Variants in ZBBX observed in about 807,000 individuals in gnomAD.
ZBBX encodes the protein zinc finger B-box domain-containing protein 1.
Under a neutral mutation model 108.5 loss-of-function variants are expected in ZBBX, and 101 were observed. The ratio of observed to expected loss-of-function variants is 0.93; its 90% confidence interval spans 0.79 to 1.10. The LOEUF (loss-of-function observed/expected upper bound fraction) is 1.10, where lower values mean the gene tolerates loss of function less well. Ranked by LOEUF, ZBBX falls within the 50% of genes least tolerant of loss-of-function variation. The probability of loss-of-function intolerance (pLI) is 0.00; values close to 1 mark genes in which losing one functional copy is unlikely to be tolerated. For missense variants in ZBBX, 1,009 were observed against 941.4 expected, an observed-to-expected ratio of 1.07 and a Z score of -0.94; for synonymous variants, 356 against 323.4, an observed-to-expected ratio of 1.10 and a Z score of -1.08.
At chr3:167,247,011 G>A (rs1357110130) in intron 20 of ZBBX, among the ~76,000 whole-genome samples, 1 of 152,184 alleles carries the variant, frequency 6.6e-6, no homozygotes, top group Non-Finnish European at 1.5e-5. Flanking sequence ...CGGCAGGGAA[G>A]TGCTGGATAG....
chr3:167,317,096 G>A lies in ZBBX; in HGVS notation c.1103C>T (p.Thr368Ile), dbSNP rs763332523. The A allele has an allele frequency of 6.2e-7, 1 of 1,601,698 alleles. No homozygotes were observed. The highest frequency in any genetic ancestry group is 8.5e-7 in the Non-Finnish European group (1 of 1,171,194). ...ENDEDSDGEE[T>I]KVQHTALLLP... is the part of the protein sequence containing the mutation. The stretch of plus-strand genomic sequence containing the variant: ...TAAAAGAGCTGTGTGTTGTACTTTG[G>A]TCTCCTCACCTAGGAAATAAGATTC... Residue 368 changes from threonine to isoleucine, a missense_variant, in exon 14 of 22, where the codon ACC (threonine) becomes ATC (isoleucine). Physicochemically the swap from Thr to Ile is moderately conservative, Grantham distance 89 (BLOSUM62 -1). Coordinates refer to ENST00000675490, the MANE Select transcript of ZBBX (RefSeq NM_001199201.2).
chr3:167,242,680 A>G, intron 20 of ZBBX, 37 bp from the exon 21 acceptor site: 1 of 1,589,198 alleles, frequency 6.3e-7, no homozygotes, highest in Non-Finnish European at 8.6e-7. Context: ...CAAAACATAA[A>G]TTCAAGAAAC....
chr3:167,349,162 G>A (rs1742217233), intron 9 of ZBBX, among the ~76,000 whole-genome samples: 1 of 151,886 alleles, frequency 6.6e-6, no homozygotes, highest in Admixed American at 6.6e-5. Flanking sequence ...GCTAGCACAG[G>A]GCTTAACGTC....
intron 4 of ZBBX, 107 bp downstream of exon 4, chr3:167,372,727 T>C: frequency 1.7e-6 from 1 of 575,170 alleles, no homozygotes; most frequent in South Asian, 2.7e-5. Flanking sequence ...TAGATAAAAA[T>C]ACAGGAATGT....
chr3:167,242,337 T>C (rs187885451), intron 21 of ZBBX, among the ~76,000 whole-genome samples, 168 bp downstream of exon 21: 170 of 152,294 alleles, frequency 1.1e-3, no homozygotes, highest in Admixed American at 2.4e-3. Flanking sequence ...AGCCTTTTAC[T>C]AAATCTCGAT....
chr3:167,377,951 C>T (rs976177977), intron 2 of ZBBX, among the ~76,000 whole-genome samples: 3 of 152,194 alleles, frequency 2.0e-5, no homozygotes, highest in Non-Finnish European at 4.4e-5. Flanking sequence ...ACGCTATTTT[C>T]GTGATAGTAA....
chr3:167,407,037 CT>C (rs1748606113), intron 1 of ZBBX, among the ~76,000 whole-genome samples: 1 of 152,208 alleles, frequency 6.6e-6, no homozygotes, highest in Non-Finnish European at 1.5e-5. Flanking sequence ...GAAAGCCACT[CT>C]CAGCCCTTGT....
chr3:167,262,688 C>G (rs1724762078), intron 20 of ZBBX, among the ~76,000 whole-genome samples: 1 of 152,160 alleles, frequency 6.6e-6, no homozygotes, highest in Admixed American at 6.5e-5. Flanking sequence ...GTGGTTCAAT[C>G]TTGGCAGGTT....
At chr3:167,206,388 G>A in the ZBBX span, among the ~76,000 whole-genome samples, 1 of 151,858 alleles carries the variant, frequency 6.6e-6, no homozygotes, top group Non-Finnish European at 1.5e-5. Context: ...TCATTCATCT[G>A]TTGATAGATG....
intron 1 of ZBBX, among the ~76,000 whole-genome samples, chr3:167,400,488 G>T (rs925841404): frequency 1.3e-5 from 2 of 151,984 alleles, no homozygotes; most frequent in East Asian, 3.9e-4. Flanking sequence ...ATGCTGGTTG[G>T]CCACTTGTAT....
intron 5 of ZBBX, 37 bp from the exon 6 acceptor site, chr3:167,366,013 A>G (rs767961805): frequency 1.4e-6 from 2 of 1,455,226 alleles, no homozygotes; most frequent in East Asian, 4.6e-5. Context: ...TGTAATCACT[A>G]AACACATTTC....
chr3:167,283,059 T>C (rs754375245), intron 19 of ZBBX, among the ~76,000 whole-genome samples: 3 of 152,178 alleles, frequency 2.0e-5, no homozygotes, highest in Non-Finnish European at 4.4e-5. Flanking sequence ...TGAGATCACG[T>C]CTCTAATTTT....
chr3:167,291,679 T>C (rs1730715557), intron 18 of ZBBX, among the ~76,000 whole-genome samples: 1 of 152,182 alleles, frequency 6.6e-6, no homozygotes, highest in Non-Finnish European at 1.5e-5. Flanking sequence ...AGCATCATAA[T>C]GGCAGGATCA....
intron 10 of ZBBX, among the ~76,000 whole-genome samples, chr3:167,330,972 TC>T (rs1738505396): frequency 6.7e-6 from 1 of 148,834 alleles, no homozygotes; most frequent in Non-Finnish European, 1.5e-5. Context: ...TCTCCCCCAC[TC>T]CCCTTCTGTA....
At chr3:167,389,070 C>T (rs1245463746) in intron 1 of ZBBX, among the ~76,000 whole-genome samples, 1 of 151,870 alleles carries the variant, frequency 6.6e-6, no homozygotes, top group African/African-American at 2.4e-5. Flanking sequence ...TTCAACCCAC[C>T]ATCTAGGTTT....
At chr3:167,406,478 T>C (rs1020980377) in intron 1 of ZBBX, among the ~76,000 whole-genome samples, 2 of 152,140 alleles carry the variant, frequency 1.3e-5, no homozygotes, top group African/African-American at 4.8e-5. Flanking sequence ...CCCAACACTT[T>C]GGGAGGCCAA....
chr3:167,382,785 G>A (rs767566880), upstream of ZBBX, among the ~76,000 whole-genome samples: 3 of 152,062 alleles, frequency 2.0e-5, no homozygotes, highest in Non-Finnish European at 2.9e-5. Context: ...AAGTCTCTGT[G>A]TAATGTTGTA....
At chr3:167,222,222 CAAA>C in the ZBBX span, among the ~76,000 whole-genome samples, 7,709 of 143,416 alleles carry the variant, frequency 0.054, 540 homozygotes, top group African/African-American at 0.16. Context: ...ACTATTTGGC[CAAA>C]AAAAAAAAAA....
At chr3:167,178,964 A>T in the ZBBX span, among the ~76,000 whole-genome samples, 5 of 152,222 alleles carry the variant, frequency 3.3e-5, no homozygotes, top group East Asian at 3.9e-4. Flanking sequence ...ATTATATGGG[A>T]TATCAGTAAT....
Sources: allele counts gnomAD v4.1 joint callset (sites outside exome capture counted in the v4.1 genomes callset), GRCh38; gene constraint gnomAD v4.1.1; transcripts MANE v1.5; gene names NCBI Gene and HGNC (gene_info 2026-07-23, HGNC 2026-07-21).